PIAS1: variants seen among roughly 807,000 people sequenced by gnomAD.
The protein encoded by PIAS1 is E3 SUMO-protein ligase PIAS1.
PIAS1 carries 6 observed loss-of-function variants against 71.3 expected under a neutral mutation model. The ratio of observed to expected loss-of-function variants is 0.08; its 90% CI spans 0.05 to 0.17. The LOEUF is 0.17. PIAS1 is among the 10% of genes least tolerant of loss of function. The pLI is 1.00. For synonymous variants in PIAS1, 303 were observed against 292.9 expected, an observed-to-expected ratio of 1.03 and a Z score of -0.35; for missense variants, 555 against 793.6, an observed-to-expected ratio of 0.70 and a Z score of 3.61.
chr15:68,157,412 C>T (rs1325431386), intron 7 of PIAS1, among the ~76,000 whole-genome samples: 1 of 152,098 alleles, frequency 6.6e-6, no homozygotes, highest in African/African-American at 2.4e-5. Context: ...TGTTCTCATC[C>T]GAATTTTTGT....
At chr15:68,183,176 GA>G (rs984757703) in intron 12 of PIAS1, among the ~76,000 whole-genome samples, 2 of 152,054 alleles carry the variant, frequency 1.3e-5, no homozygotes, top group African/African-American at 4.8e-5. Flanking sequence ...GCAAATTTAA[GA>G]AAGAAAAATC....
At chr15:68,056,932 A>AT (rs1322529882) in intron 1 of PIAS1, among the ~76,000 whole-genome samples, 5 of 152,196 alleles carry the variant, frequency 3.3e-5, no homozygotes, top group East Asian at 3.8e-4. Flanking sequence ...AAAAATCTAG[A>AT]TTTTTTGAAA....
chr15:68,070,844 C>T (rs1467027498), intron 1 of PIAS1, among the ~76,000 whole-genome samples: 1 of 152,122 alleles, frequency 6.6e-6, no homozygotes, highest in Non-Finnish European at 1.5e-5. Flanking sequence ...TGGTCTTGAA[C>T]TCCTGGGCTC....
intron 2 of PIAS1, among the ~76,000 whole-genome samples, chr15:68,100,117 C>G (rs893678634): frequency 6.8e-6 from 1 of 148,078 alleles, no homozygotes; most frequent in Non-Finnish European, 1.5e-5. Context: ...AAAAAAAACA[C>G]CTTTTGATCT....
At position 68,136,251 on chromosome 15, in the gene PIAS1, G is replaced by A. The variant is rs1409721641; in HGVS notation, c.470-5695G>A. The stretch of plus-strand genomic sequence containing the variant: ...GGCACTTTGGGAGGCCAAGGCAGGC[G>A]GCTGGGAGGTGGAGGTTGTAGCGAG... On this transcript the variant is annotated intron_variant, in intron 2 of 13. Coordinates refer to ENST00000249636, the MANE Select transcript of PIAS1 (RefSeq NM_016166.3). Among the ~76,000 whole-genome samples the A allele has an allele frequency of 6.3e-4, 34 of 54,266 alleles. 12 individuals carry two copies. The East Asian group carries it at 0.01, about 16-fold the overall frequency. 35.6% of individuals were successfully genotyped at this position (54,266 alleles called of 152,430 possible). A position where few individuals can be genotyped will look rare whatever the true frequency, so the allele number is the denominator to read the frequency against.
rs112894109 is a variant in PIAS1 at position 68,169,505 on chromosome 15, T to G, written c.1009-4227T>G. ...TGTGGCCAACATGGCGAACCCTGTC[T>G]CTACTAAAAATGCAAAAATTAGCCA... On this transcript the variant is annotated intron_variant, in intron 8 of 13. Transcript: ENST00000249636. Among the ~76,000 whole-genome samples the G allele has an allele frequency of 1.5e-3, 227 of 152,280 alleles. 1 individual carries two copies. The highest frequency in any genetic ancestry group is 5.0e-3 in the African/African-American group (207 of 41,560).
intron 8 of PIAS1, among the ~76,000 whole-genome samples, chr15:68,168,435 C>T (rs1252033937): frequency 6.6e-6 from 1 of 152,110 alleles, no homozygotes; most frequent in Non-Finnish European, 1.5e-5. Context: ...TTTTCTCTTG[C>T]AGCGTCATCA....
intron 1 of PIAS1, among the ~76,000 whole-genome samples, chr15:68,061,622 A>G (rs944841268): frequency 1.3e-4 from 20 of 152,244 alleles, no homozygotes; most frequent in African/African-American, 4.3e-4. Context: ...AAACGTTCCT[A>G]TTTTTGAAAA....
intron 1 of PIAS1, among the ~76,000 whole-genome samples, chr15:68,072,932 TG>T (rs2092115676): frequency 6.6e-6 from 1 of 152,238 alleles, no homozygotes; most frequent in Non-Finnish European, 1.5e-5. Context: ...GAACACTAGT[TG>T]CTGAGTTTGG....
chr15:68,179,564 C>CTTTTTTTTTT (rs766344324), intron 11 of PIAS1, among the ~76,000 whole-genome samples: 955 of 40,084 alleles, frequency 0.024, 291 homozygotes, highest in African/African-American at 0.026. Context: ...GTGAAATGTT[C>CTTTTTTTTTT]TTTTTTTTTT....
intron 4 of PIAS1, among the ~76,000 whole-genome samples, chr15:68,145,127 G>T (rs919593216): frequency 2.0e-5 from 3 of 152,112 alleles, no homozygotes; most frequent in Admixed American, 2.0e-4. Context: ...TATGAATTAT[G>T]TATCTTTCCT....
chr15:68,067,046 A>T (rs1394584490), intron 1 of PIAS1, among the ~76,000 whole-genome samples: 1 of 152,156 alleles, frequency 6.6e-6, no homozygotes, highest in Non-Finnish European at 1.5e-5. Context: ...CCCACTTATG[A>T]GTATGCAGAC....
Position 68,153,653 on chromosome 15 carries a change from C to A in PIAS1, c.892C>A (p.Arg298=). Residue 298 remains arginine (R), a synonymous_variant, in exon 7 of 14, where the codon CGA becomes AGA. Transcript: ENST00000249636. ...LSSTVLLQRL[R]AKGIRNPDHS... is the part of the protein sequence containing the mutation. ...CTCAACAGTTCTTCTTCAGAGGTTA[C>A]GAGCAAAGGGAATAAGGAATCCGGA... 2.5e-6 allele frequency: 4 copies of A among 1,591,194 alleles called. No individual in the cohort carries two copies. The highest frequency in any genetic ancestry group is 3.4e-6 in the Non-Finnish European group (4 of 1,159,700).
At chr15:68,099,462 G>C (rs1413429261) in intron 2 of PIAS1, among the ~76,000 whole-genome samples, 1 of 151,742 alleles carries the variant, frequency 6.6e-6, no homozygotes. Flanking sequence ...TTATTGCTAA[G>C]TAATGATTCA....
At chr15:68,125,991 G>A (rs560529811) in intron 2 of PIAS1, among the ~76,000 whole-genome samples, 17 of 151,974 alleles carry the variant, frequency 1.1e-4, no homozygotes, top group Admixed American at 3.3e-4. Context: ...GAGCCACTGC[G>A]CCCCAGACCA....
At chr15:68,119,894 AC>A (rs2092599119) in intron 2 of PIAS1, among the ~76,000 whole-genome samples, 1 of 150,406 alleles carries the variant, frequency 6.6e-6, no homozygotes, top group Non-Finnish European at 1.5e-5. Context: ...CTATACAGTG[AC>A]TCTCTCTATC....
At position 68,171,752 on chromosome 15, in the gene PIAS1, G is replaced by A. The variant is rs78738857; in HGVS notation, c.1009-1980G>A. Among the ~76,000 whole-genome samples the A allele has an allele frequency of 1.3e-3, 198 of 152,104 alleles. 3 individuals are homozygous for A. The East Asian group carries it at 0.033, about 25-fold the overall frequency. On this transcript the variant is annotated intron_variant, in intron 8 of 13. Transcript: ENST00000249636. This position sits in a 1 kb window ranked among gnomAD's most constrained non-coding sequence, Gnocchi z 4.4. ...TTTCTTAGAGACACAGTAAATCATC[G>A]GTATCAAAGCAATTATTTTGGGCCC...
At position 68,095,069 on chromosome 15, in the gene PIAS1, A is replaced by G. The variant is rs116948864; in HGVS notation, c.469+8319A>G. On this transcript the variant is annotated intron_variant, in intron 2 of 13. Coordinates refer to ENST00000249636, the MANE Select transcript of PIAS1 (RefSeq NM_016166.3). ...TTTTTTGGGTTTGGAAAGGAATCTT[A>G]ACCATTAGAATCAGTGAAAGAACCA... Among the ~76,000 whole-genome samples the G allele has an allele frequency of 6.4e-3, 971 of 152,306 alleles. 7 individuals are homozygous for G. The highest frequency in any genetic ancestry group is 0.035 in the East Asian group (184 of 5,188).
Position 68,135,424 on chromosome 15 carries a change from A to C in PIAS1, c.470-6522A>C, listed in dbSNP as rs866091366. 4.0e-4 allele frequency among the ~76,000 whole-genome samples: 12 copies of C among 30,130 alleles called. 1 individual carries two copies. Among genetic ancestry groups the C allele is most frequent in the African/African-American group, 8.4e-4 (11 of 13,156 alleles). 19.8% of individuals were successfully genotyped at this position (30,130 alleles called of 152,430 possible). A position where few individuals can be genotyped will look rare whatever the true frequency, so the allele number is the denominator to read the frequency against. ...GGCTGGCCGGGCAGAGGGGCTCCCCACCTCCCAGCAGGGGTGGCTGGGCAG... is the reference window on the plus strand; with the variant it reads ...GGCTGGCCGGGCAGAGGGGCTCCCCCCCTCCCAGCAGGGGTGGCTGGGCAG... On this transcript the variant is annotated intron_variant, in intron 2 of 13. Transcript: ENST00000249636.
Sources: gnomAD v4.1 joint callset for allele counts (sites outside exome capture counted in the v4.1 genomes callset) on GRCh38, gnomAD v4.1.1 for gene constraint, Gnocchi (gnomAD v3.1) non-coding constraint, MANE v1.5 for transcripts, NCBI Gene and HGNC (gene_info 2026-07-23, HGNC 2026-07-21) for gene names.